SLC30A2: variants seen among roughly 807,000 people sequenced by gnomAD.
SLC30A2 encodes the protein solute carrier family 30 member 2, also known as proton-coupled zinc antiporter SLC30A2.
SLC30A2 carries 19 observed loss-of-function variants against 39.6 expected under a neutral mutation model. The observed-to-expected ratio is 0.48, with a 90% CI of 0.34 to 0.70. The LOEUF (loss-of-function observed/expected upper bound fraction) is 0.70, where lower values mean the gene tolerates loss of function less well. Among genes scored for constraint, SLC30A2 ranks in the 30% least tolerant of loss-of-function variants. The probability of loss-of-function intolerance (pLI) is 0.01; values close to 1 mark genes in which losing one functional copy is unlikely to be tolerated. For missense variants in SLC30A2, 387 were observed against 479.4 expected (o/e 0.81, Z 1.80); for synonymous variants, 195 against 194.8 (o/e 1.00, Z -0.01).
chr1:26,041,425 G>A (rs940219468), intron 6 of SLC30A2, among the ~76,000 whole-genome samples: 3 of 152,190 alleles, frequency 2.0e-5, no homozygotes, highest in African/African-American at 7.2e-5. Context: ...ATGTCCCCCA[G>A]AAGCCACCTG....
At chr1:26,042,479 C>T in intron 5 of SLC30A2, 70 bp downstream of exon 5, 1 of 1,409,910 alleles carries the variant, frequency 7.1e-7, no homozygotes, top group Non-Finnish European at 9.8e-7. Flanking sequence ...AAAAGAAACC[C>T]CGGTAGAGAG....
chr1:26,042,026 CCTT>C (rs1184028408), intron 5 of SLC30A2, among the ~76,000 whole-genome samples: 7 of 152,224 alleles, frequency 4.6e-5, no homozygotes, highest in Non-Finnish European at 8.8e-5. Context: ...TCCCACCCCT[CCTT>C]CTCAAGGAGC....
In SLC30A2 at chr1:26,045,978, C is replaced by A. The variant is rs916411881; in HGVS notation, c.-82G>T. ...AAGTTGCGCGCGGGACTCCGGGTGG[C>A]GCTCACCCACCTGCCCCGAGGGCCC... On this transcript the variant is annotated 5_prime_UTR_variant, in exon 1 of 8. Transcript: ENST00000374276. 13 of 1,578,442 alleles carry A rather than the reference C, an allele frequency of 8.2e-6. No individual in the cohort carries two copies. In the African/African-American group the frequency reaches 1.6e-4, roughly 20 times the overall value.
In SLC30A2 at chr1:26,045,186, C is replaced by T. The variant is rs1409532272; in HGVS notation, c.82G>A (p.Ala28Thr). The T allele has an allele frequency of 6.2e-7, 1 of 1,612,204 alleles. No individual in the cohort carries two copies. The highest frequency in any genetic ancestry group is 8.5e-7 in the Non-Finnish European group (1 of 1,179,818). The change falls in exon 2 of 8, where the codon GCT becomes ACT. Residue 28 changes from alanine to threonine, a missense_variant. By Grantham distance (58) the Ala-to-Thr change is moderately conservative. Transcript: ENST00000374276. ...SYTGSLWQEG[A>T]GWIPLPRPGL... ...GGTCGGGGCAGAGGAATCCAGCCAG[C>T]CCCTTCCTGCCACAGAGATCCCGTG...
At chr1:26,043,890 A>T (rs2050428975) in intron 3 of SLC30A2, among the ~76,000 whole-genome samples, 1 of 152,216 alleles carries the variant, frequency 6.6e-6, no homozygotes, top group African/African-American at 2.4e-5. Flanking sequence ...CACAAAGAGG[A>T]AGGTGACGAT....
rs769455773 is a variant in SLC30A2, at chr1:26,043,476, C to T, written c.494G>A (p.Arg165Gln). The T allele has an allele frequency of 1.8e-5, 29 of 1,613,996 alleles. No homozygotes were observed. The highest frequency in any genetic ancestry group is 8.0e-5 in the African/African-American group (6 of 74,904). Residue 165 changes from arginine (R) to glutamine (Q), a missense_variant, in exon 4 of 8, where the codon CGG becomes CAG. Physicochemically the swap from Arg to Gln is conservative, Grantham distance 43 (BLOSUM62 1). Coordinates refer to ENST00000374276, the MANE Select transcript of SLC30A2 (RefSeq NM_001004434.3). ...AATTTCATAGTCCCCAGAGATCAGC[C>T]GCTCCACAGCCAGGTACACCAGTAC... is the stretch of plus-strand genomic sequence containing the variant. ...TGVLVYLAVE[R>Q]LISGDYEIDG...
chr1:26,045,847 C>G lies in SLC30A2; in HGVS notation c.50G>C (p.Arg17Pro), dbSNP rs1046523563. 6.2e-7 allele frequency: 1 copy of G among 1,613,540 alleles called. No individual in the cohort carries two copies. The highest frequency in any genetic ancestry group is 1.3e-5 in the African/African-American group (1 of 75,052). Residue 17 changes from arginine (R) to proline (P), a missense_variant and splice_region_variant, in exon 1 of 8, where the codon CGG (arginine) becomes CCG (proline). Transcript: ENST00000374276. ...QHLLDARPAI[R>P]SYTGSLWQEG... ...GCCCGTCCCCAGGCTCTCGCCTTACCGGATTGCCGGCCTGGCGTCCAACAG... is the reference window on the plus strand; with the variant it reads ...GCCCGTCCCCAGGCTCTCGCCTTACGGGATTGCCGGCCTGGCGTCCAACAG...
intron 6 of SLC30A2, 144 bp downstream of exon 6, chr1:26,041,548 GGGGCCCCA>G (rs2050397413): frequency 1.7e-6 from 1 of 594,050 alleles, no homozygotes; most frequent in Non-Finnish European, 3.0e-6. Flanking sequence ...GATCAGCCCA[GGGGCCCCA>G]GGAGGTTTTC....
chr1:26,043,152 C>A lies in SLC30A2; in HGVS notation c.572+246G>T. Among the ~76,000 whole-genome samples, 1 of 152,212 alleles carries A rather than the reference C, an allele frequency of 6.6e-6. No individual in the cohort carries two copies. The highest frequency in any genetic ancestry group is 1.9e-4 in the East Asian group (1 of 5,192). On this transcript the variant is annotated intron_variant, in intron 4 of 7. Coordinates refer to ENST00000374276, the MANE Select transcript of SLC30A2 (RefSeq NM_001004434.3). ...CAGGTATGAAGCCACCAAGGCTAGT[C>A]CCTGACATGTATCAGGGAGTGGGTA...
chr1:26,041,620 C>T (rs1370667613), intron 6 of SLC30A2, 80 bp downstream of exon 6: 1 of 855,158 alleles, frequency 1.2e-6, no homozygotes, highest in African/African-American at 1.7e-5. Context: ...CTAGGATGCC[C>T]CAGACACACA....
At chr1:26,044,821 A>G (rs1220987801) in intron 2 of SLC30A2, among the ~76,000 whole-genome samples, 176 bp downstream of exon 2, 1 of 152,270 alleles carries the variant, frequency 6.6e-6, no homozygotes, top group Non-Finnish European at 1.5e-5. Context: ...TAAAGTAAGG[A>G]GAATAACGTC....
In SLC30A2 at chr1:26,041,820, GA is replaced by G; in HGVS notation, c.733-16del. The G allele has an allele frequency of 6.6e-7, 1 of 1,520,334 alleles. No individual in the cohort carries two copies. Among genetic ancestry groups the G allele is most frequent in the Non-Finnish European group, 9.1e-7 (1 of 1,095,722 alleles). 94.2% of individuals were successfully genotyped at this position (1,520,334 alleles called of 1,614,324 possible). ...TTGTATTCTGGCTGCAGGAAGACAG[GA>G]AGGCAGACCTGGAGTTCACCATCTA... On this transcript the variant is annotated splice_polypyrimidine_tract_variant and intron_variant, in intron 5 of 7. Transcript: ENST00000374276.
At chr1:26,042,238 C>T (rs114619494) in intron 5 of SLC30A2, among the ~76,000 whole-genome samples, 6,076 of 152,302 alleles carry the variant, frequency 0.04, 434 homozygotes, top group African/African-American at 0.14. Flanking sequence ...ATGTGATGGG[C>T]ATTGCCCAGG....
intron 6 of SLC30A2, among the ~76,000 whole-genome samples, chr1:26,040,267 G>C (rs1454972969): frequency 2.6e-5 from 4 of 151,798 alleles, no homozygotes; most frequent in Non-Finnish European, 5.9e-5. Flanking sequence ...GGTTTTTTTT[G>C]AGACGGAATC....
chr1:26,038,105 G>C lies in SLC30A2; in HGVS notation c.*1055C>G, dbSNP rs1467843317. ...GTACAGATGAGACTGTGGGGCAGAG[G>C]CCAGCTCGCCCAAGGCACTTGCTTA... is the stretch of plus-strand genomic sequence containing the variant. On this transcript the variant is annotated 3_prime_UTR_variant, in exon 8 of 8. Transcript: ENST00000374276. The C allele has an allele frequency of 2.0e-5, 3 of 152,382 alleles. No homozygotes were observed. In the East Asian group the frequency reaches 5.8e-4, roughly 29 times the overall value. 9.4% of individuals were successfully genotyped at this position (152,382 alleles called of 1,614,324 possible). A position where few individuals can be genotyped will look rare whatever the true frequency, so the allele number is the denominator to read the frequency against.
Position 26,037,606 on chromosome 1 carries a change from C to T in SLC30A2, c.*1554G>A, listed in dbSNP as rs1337965128. On this transcript the variant is annotated 3_prime_UTR_variant, in exon 8 of 8. Coordinates refer to ENST00000374276, the MANE Select transcript of SLC30A2 (RefSeq NM_001004434.3). ...CCCAGGATCAAGTTCCTGGGGCCTGCCATGGCTTGGGTGGGGGTGGGGAGT... is the reference window on the plus strand; with the variant it reads ...CCCAGGATCAAGTTCCTGGGGCCTGTCATGGCTTGGGTGGGGGTGGGGAGT... The T allele has an allele frequency of 6.6e-6, 1 of 151,982 alleles. No individual in the cohort carries two copies. Among genetic ancestry groups the T allele is most frequent in the East Asian group, 1.9e-4 (1 of 5,154 alleles). 9.4% of individuals were successfully genotyped at this position (151,982 alleles called of 1,614,324 possible).
chr1:26,042,692 G>T lies in SLC30A2; in HGVS notation c.589C>A (p.His197Asn). The change falls in exon 5 of 8, where the codon CAC becomes AAC. Residue 197 changes from histidine (H) to asparagine (N), a missense_variant. Transcript: ENST00000374276. ...TGGCTGTGCCCATGGCCAGACTGGT[G>T]AAGGGTCAACCCCATTCTATGGAAG... Reference protein sequence around the residue: ...AVNIIMGLTLHQSGHGHSHGT... With the variant: ...AVNIIMGLTLNQSGHGHSHGT... 6.2e-7 allele frequency: 1 copy of T among 1,614,124 alleles called. No individual in the cohort carries two copies. The highest frequency in any genetic ancestry group is 8.5e-7 in the Non-Finnish European group (1 of 1,180,026).
chr1:26,045,501 C>T, intron 1 of SLC30A2: 1 of 590,630 alleles, frequency 1.7e-6, no homozygotes, highest in Non-Finnish European at 3.0e-6. Context: ...AGAGCGCAGG[C>T]TCTGGGAGAA....
At position 26,037,980 on chromosome 1, in the gene SLC30A2, T is replaced by G. The variant is rs2050357652; in HGVS notation, c.*1180A>C. The G allele has an allele frequency of 6.6e-6, 1 of 152,168 alleles. No individual in the cohort carries two copies. The highest frequency in any genetic ancestry group is 2.4e-5 in the African/African-American group (1 of 41,426). The allele number at this position is 152,168 out of a possible 1,614,324, so 9.4% of individuals were successfully genotyped here. ...CAGCCTCGGGCCACAGAGTTCCCTG[T>G]CCCCAGGATGGTAAAAGTAACCAAT... On this transcript the variant is annotated 3_prime_UTR_variant, in exon 8 of 8. Transcript: ENST00000374276.
Sources: gnomAD v4.1 joint callset for allele counts (sites outside exome capture counted in the v4.1 genomes callset) on GRCh38, gnomAD v4.1.1 for gene constraint, MANE v1.5 for transcripts, NCBI Gene and HGNC (gene_info 2026-07-23, HGNC 2026-07-21) for gene names.